COL18A1: variants seen among roughly 807,000 people sequenced by gnomAD.
The protein encoded by COL18A1 is collagen type XVIII alpha 1 chain.
In COL18A1, 133 loss-of-function variants were observed where a neutral mutation model predicts 168.0. The ratio of observed to expected loss-of-function variants is 0.79; its 90% CI spans 0.69 to 0.91. The LOEUF (loss-of-function observed/expected upper bound fraction) is 0.91, where lower values mean the gene tolerates loss of function less well. COL18A1 is among the 40% of genes least tolerant of loss of function. The pLI, the probability that COL18A1 is intolerant of heterozygous loss-of-function variation, is 0.00. For synonymous variants in COL18A1, 949 were observed against 809.0 expected, an observed-to-expected ratio of 1.17 and a Z score of -2.94; for missense variants, 2,126 against 1,925.4, an observed-to-expected ratio of 1.10 and a Z score of -1.95.
intron 2 of COL18A1, among the ~76,000 whole-genome samples, chr21:45,450,816 C>A (rs2034603996): frequency 6.6e-6 from 1 of 152,226 alleles, no homozygotes; most frequent in African/African-American, 2.4e-5. Context: ...GGTGTGCCCA[C>A]CCTGCACCCC....
Position 45,511,186 on chromosome 21 carries a change from T to G in COL18A1, c.3769T>G (p.Phe1257Val). 6.3e-7 allele frequency: 1 copy of G among 1,599,686 alleles called. No homozygotes were observed. Among genetic ancestry groups the G allele is most frequent in the Non-Finnish European group, 8.5e-7 (1 of 1,172,992 alleles). ...EGPLKPGARIFSFDGKDVLRH... is the reference protein window; with the variant it reads ...EGPLKPGARIVSFDGKDVLRH... ...TCCGCTGAAGCCCGGGGCACGCATC[T>G]TCTCCTTTGACGGCAAGGACGTCCT... Residue 1257 changes from phenylalanine to valine, a missense_variant, in exon 41 of 42, where the codon TTC becomes GTC. Transcript: ENST00000651438.
At chr21:45,434,061 G>GTGTGTGAGCAGGTGCATGGGCCAGA (rs1555971678) in intron 2 of COL18A1, among the ~76,000 whole-genome samples, 103 of 138,288 alleles carry the variant, frequency 7.4e-4, no homozygotes, top group African/African-American at 2.2e-3. Flanking sequence ...CATGGGCCAG[G>GTGTGTGAGCAGGTGCATGGGCCAGA]TGTGTGAGCA....
At chr21:45,477,207 G>A (rs1265623325) in intron 6 of COL18A1, among the ~76,000 whole-genome samples, 2 of 152,186 alleles carry the variant, frequency 1.3e-5, no homozygotes, top group African/African-American at 2.4e-5. Context: ...CGGCCTCACT[G>A]TTGATTTTAA....
intron 26 of COL18A1, 174 bp downstream of exon 26, chr21:45,493,749 G>A (rs991627322): frequency 6.6e-6 from 4 of 610,618 alleles, no homozygotes; most frequent in Admixed American, 5.7e-5. Context: ...CCATGTCGGC[G>A]GTTCCGCCGG....
chr21:45,414,497 C>T (rs751528991), intron 2 of COL18A1, among the ~76,000 whole-genome samples: 3 of 152,222 alleles, frequency 2.0e-5, no homozygotes, highest in Non-Finnish European at 4.4e-5. Context: ...CCAATTCAGC[C>T]TTTCCTGTCA....
chr21:45,503,578 C>A (rs7281141), intron 32 of COL18A1, among the ~76,000 whole-genome samples: 38,412 of 142,198 alleles, frequency 0.27, 5,230 homozygotes, highest in African/African-American at 0.36. Context: ...TAGGTGGGAA[C>A]TGAACAATGA....
In COL18A1 at chr21:45,445,574, C is replaced by A. The variant is rs138827639; in HGVS notation, c.107-22668C>A. Among the ~76,000 whole-genome samples the A allele has an allele frequency of 8.8e-3, 1,348 of 152,364 alleles. 17 individuals carry two copies. The highest frequency in any genetic ancestry group is 0.031 in the African/African-American group (1,291 of 41,588). On this transcript the variant is annotated intron_variant, in intron 2 of 41. Coordinates refer to ENST00000651438, the MANE Select transcript of COL18A1 (RefSeq NM_001379500.1). ...CTGCACCATCTCACGTCCCTTCCTG[C>A]AGCCTTGGGAGTTCTGATTTCGCCA...
intron 3 of COL18A1, 120 bp downstream of exon 3, chr21:45,468,906 G>A (rs2035313381): frequency 5.5e-6 from 6 of 1,084,804 alleles, no homozygotes; most frequent in Admixed American, 2.7e-5. Flanking sequence ...CCCCAGCTGT[G>A]GTCAGCCCGG....
chr21:45,504,987 TCAGGCTATGGCGTGGG>T (rs1225521887), intron 34 of COL18A1, 131 bp from the exon 35 acceptor site: 12 of 1,018,788 alleles, frequency 1.2e-5, no homozygotes, highest in Admixed American at 2.1e-5. Flanking sequence ...TGGGGGTTTC[TCAGGCTATGGCGTGGG>T]CAGGGAGGGG....
At position 45,468,322 on chromosome 21, in the gene COL18A1, G is replaced by C; in HGVS notation, c.187G>C (p.Asp63His). 1.9e-6 allele frequency: 3 copies of C among 1,613,428 alleles called. No individual in the cohort carries two copies. The highest frequency in any genetic ancestry group is 2.5e-6 in the Non-Finnish European group (3 of 1,180,036). ...GCAGGTCACCCAGACGGATGACCCC[G>C]ACGTCGGGCTGGCCTACGTCTTTGG... ...PQQVTQTDDP[D>H]VGLAYVFGPD... Residue 63 changes from aspartate (D) to histidine (H), a missense_variant, in exon 3 of 42, where the codon GAC (aspartate) becomes CAC (histidine). By Grantham distance (81) the Asp-to-His change is moderately conservative. Coordinates refer to ENST00000651438, the MANE Select transcript of COL18A1 (RefSeq NM_001379500.1).
chr21:45,498,020 T>C lies in COL18A1; in HGVS notation c.2683+359T>C, dbSNP rs990424260. Among the ~76,000 whole-genome samples, 3 of 152,072 alleles carry C rather than the reference T, an allele frequency of 2.0e-5. No homozygotes were observed. The highest frequency in any genetic ancestry group is 7.2e-5 in the African/African-American group (3 of 41,398). ...GCCGGGGGTCGGCACTGGAGGACCC[T>C]CTGTCGAGAAACTCTCCAGGGTTTC... On this transcript the variant is annotated intron_variant, in intron 32 of 41. Coordinates refer to ENST00000651438, the MANE Select transcript of COL18A1 (RefSeq NM_001379500.1). This position sits in a 1 kb window ranked among gnomAD's most constrained non-coding sequence, Gnocchi z 4.5.
chr21:45,416,854 GCTCGTTCTGCATATC>G (rs1265719833), intron 2 of COL18A1, among the ~76,000 whole-genome samples: 5 of 151,996 alleles, frequency 3.3e-5, no homozygotes, highest in East Asian at 1.9e-4. Context: ...TTCTGCATAT[GCTCGTTCTGCATATC>G]CTCGTTCTGC....
Position 45,477,501 on chromosome 21 carries a change from C to T in COL18A1, c.1005+14C>T, listed in dbSNP as rs913385610. 3.8e-6 allele frequency: 6 copies of T among 1,597,276 alleles called. No individual in the cohort carries two copies. The highest frequency in any genetic ancestry group is 5.1e-6 in the Non-Finnish European group (6 of 1,171,498). ...CGCGTGAAAGAGGTAAGGCCACCTC[C>T]CTGTGCTCCTGAACCATTCTGAACC... On this transcript the variant is annotated intron_variant, in intron 7 of 41. Coordinates refer to ENST00000651438, the MANE Select transcript of COL18A1 (RefSeq NM_001379500.1).
At chr21:45,502,456 G>A (rs1413991082) in intron 32 of COL18A1, 1 of 152,144 alleles carries the variant, frequency 6.6e-6, no homozygotes, top group Non-Finnish European at 1.5e-5. Context: ...AGCATTTAAA[G>A]AACAACAAAC....
Position 45,511,162 on chromosome 21 carries a change from C to G in COL18A1, c.3745C>G (p.Pro1249Ala). Reference protein sequence around the residue: ...WEALFSGSEGPLKPGARIFSF... With the variant: ...WEALFSGSEGALKPGARIFSF... ...GGCTCTGTTCTCAGGCTCTGAGGGTCCGCTGAAGCCCGGGGCACGCATCTT... is the reference window on the plus strand; with the variant it reads ...GGCTCTGTTCTCAGGCTCTGAGGGTGCGCTGAAGCCCGGGGCACGCATCTT... The change falls in exon 41 of 42, where the codon CCG (proline) becomes GCG (alanine). Residue 1249 changes from proline to alanine, a missense_variant. Physicochemically the swap from Pro to Ala is conservative, Grantham distance 27. Transcript: ENST00000651438. 1 of 1,600,796 alleles carries G rather than the reference C, an allele frequency of 6.2e-7. No individual in the cohort carries two copies. The highest frequency in any genetic ancestry group is 8.5e-7 in the Non-Finnish European group (1 of 1,173,832).
intron 3 of COL18A1, 37 bp downstream of exon 3, chr21:45,468,823 A>G: frequency 1.1e-6 from 1 of 874,876 alleles, no homozygotes; most frequent in Non-Finnish European, 1.7e-6. Flanking sequence ...GGACTGGAGC[A>G]GCTGGGATGG....
At chr21:45,496,784 G>GGC in intron 30 of COL18A1, among the ~76,000 whole-genome samples, 1 of 152,248 alleles carries the variant, frequency 6.6e-6, no homozygotes, top group Non-Finnish European at 1.5e-5. Context: ...CTTCCAGCTG[G>GGC]CTCTGCTAAG....
chr21:45,505,088 C>T, intron 34 of COL18A1, 46 bp from the exon 35 acceptor site: 1 of 1,593,852 alleles, frequency 6.3e-7, no homozygotes, highest in Non-Finnish European at 8.5e-7. Flanking sequence ...CGCCCCCAGT[C>T]CAGGGCACGA....
chr21:45,505,647 T>C (rs571834416), intron 36 of COL18A1, among the ~76,000 whole-genome samples, 191 bp from the exon 37 acceptor site: 116 of 152,240 alleles, frequency 7.6e-4, no homozygotes, highest in African/African-American at 2.5e-3. Context: ...GCCTGTACAT[T>C]GTCCACGGAG....
Sources: gnomAD v4.1 joint callset for allele counts (sites outside exome capture counted in the v4.1 genomes callset) on GRCh38, gnomAD v4.1.1 for gene constraint, Gnocchi (gnomAD v3.1) non-coding constraint, MANE v1.5 for transcripts, NCBI Gene and HGNC (gene_info 2026-07-23, HGNC 2026-07-21) for gene names.